Variants in PRKCB observed in about 807,000 individuals in gnomAD.
The protein encoded by PRKCB is protein kinase C beta type.
In PRKCB, 13 loss-of-function variants were observed where a neutral mutation model predicts 81.5. That is an observed-to-expected ratio of 0.16 (90% CI 0.10 to 0.25). The LOEUF is 0.25. Ranked by LOEUF, PRKCB falls within the 10% of genes least tolerant of loss-of-function variation. The probability of loss-of-function intolerance (pLI) is 1.00; values close to 1 mark genes in which losing one functional copy is unlikely to be tolerated. For synonymous variants in PRKCB, 335 were observed against 321.4 expected (o/e 1.04, Z -0.45); for missense variants, 509 against 875.7 (o/e 0.58, Z 5.29).
intron 16 of PRKCB, among the ~76,000 whole-genome samples, chr16:24,214,030 G>A (rs900036690): frequency 5.3e-5 from 8 of 152,206 alleles, no homozygotes; most frequent in Non-Finnish European, 1.5e-5. Flanking sequence ...TTCAGTGACT[G>A]ATCCAGCTAA....
intron 2 of PRKCB, among the ~76,000 whole-genome samples, chr16:23,888,094 T>G (rs1261837319): frequency 6.6e-6 from 1 of 152,180 alleles, no homozygotes; most frequent in African/African-American, 2.4e-5. Flanking sequence ...TCAAGTCCCC[T>G]TCTTTGTTTT....
intron 2 of PRKCB, among the ~76,000 whole-genome samples, chr16:23,889,120 A>G (rs1963249659): frequency 5.9e-5 from 1 of 17,092 alleles, no homozygotes; most frequent in Non-Finnish European, 1.0e-4. Flanking sequence ...TCACTCGTCC[A>G]TCCATCCATC....
At chr16:23,967,316 A>G (rs545718798) in intron 2 of PRKCB, among the ~76,000 whole-genome samples, 1 of 152,328 alleles carries the variant, frequency 6.6e-6, no homozygotes, top group East Asian at 1.9e-4. Context: ...GCCCCCTGAC[A>G]GCAGAAGACA....
chr16:23,879,071 A>T (rs1247474355), intron 2 of PRKCB, among the ~76,000 whole-genome samples: 1 of 152,046 alleles, frequency 6.6e-6, no homozygotes, highest in African/African-American at 2.4e-5. Flanking sequence ...CCAGCTACTC[A>T]GGAGGTTGAG....
rs56671761 is a variant in PRKCB, at chr16:24,168,541, C to CTTTTTTTTTTTTTT, written c.1240-3713_1240-3700dup. The stretch of plus-strand genomic sequence containing the variant: ...TTCATTATTTTTCTTTCTTCTTCTA[C>CTTTTTTTTTTTTTT]TTTTTTTTTTTTTTTTTTTTTTTTT... On this transcript the variant is annotated intron_variant, in intron 10 of 16. Transcript: ENST00000643927. 3.5e-4 allele frequency among the ~76,000 whole-genome samples: 27 copies of CTTTTTTTTTTTTTT among 76,394 alleles called. 2 individuals are homozygous for CTTTTTTTTTTTTTT. Among genetic ancestry groups the CTTTTTTTTTTTTTT allele is most frequent in the East Asian group, 7.1e-4 (2 of 2,830 alleles). The allele number at this position is 76,394 out of a possible 152,430, so 50.1% of individuals were successfully genotyped here.
At chr16:23,928,347 C>T (rs567186109) in intron 2 of PRKCB, among the ~76,000 whole-genome samples, 20 of 152,092 alleles carry the variant, frequency 1.3e-4, no homozygotes, top group Admixed American at 1.0e-3. Flanking sequence ...AGGCTGGTCT[C>T]GAACTCCTGA....
chr16:24,158,065 T>C (rs1400601684), intron 10 of PRKCB, among the ~76,000 whole-genome samples: 1 of 152,148 alleles, frequency 6.6e-6, no homozygotes, highest in East Asian at 1.9e-4. Flanking sequence ...ATGAAGTCTT[T>C]AACCTATCTC....
intron 2 of PRKCB, among the ~76,000 whole-genome samples, chr16:23,894,919 A>G (rs2141119491): frequency 6.6e-6 from 1 of 152,204 alleles, no homozygotes; most frequent in Admixed American, 6.5e-5. Context: ...TATTTTCATC[A>G]AAACATCTGG....
At chr16:23,889,116 GTCCATCCATCCATCCATCCATCCA>G (rs60798460) in intron 2 of PRKCB, among the ~76,000 whole-genome samples, 4,360 of 147,614 alleles carry the variant, frequency 0.03, 226 homozygotes, top group African/African-American at 0.098. Context: ...CTGTTCACTC[GTCCATCCATCCATCCATCCATCCA>G]TCCATCCATC....
At chr16:23,866,553 T>A (rs1459103558) in intron 2 of PRKCB, among the ~76,000 whole-genome samples, 1 of 152,230 alleles carries the variant, frequency 6.6e-6, no homozygotes, top group East Asian at 1.9e-4. Flanking sequence ...AAGTCTGAAC[T>A]TTCTCCCATG....
intron 2 of PRKCB, among the ~76,000 whole-genome samples, chr16:23,848,166 G>T (rs1229523553): frequency 6.6e-6 from 1 of 152,174 alleles, no homozygotes; most frequent in African/African-American, 2.4e-5. Context: ...TATCAGAGGG[G>T]TTGGCCCCTG....
At chr16:24,115,249 A>C (rs62027381) in intron 8 of PRKCB, among the ~76,000 whole-genome samples, 3 of 113,852 alleles carry the variant, frequency 2.6e-5, no homozygotes, top group South Asian at 2.8e-4. Context: ...TTATCCCAAG[A>C]GTATTTATCC....
intron 2 of PRKCB, among the ~76,000 whole-genome samples, chr16:23,925,464 C>T (rs572284022): frequency 1.3e-4 from 20 of 152,102 alleles, no homozygotes; most frequent in African/African-American, 4.1e-4. Flanking sequence ...TAAGGTTGGC[C>T]GTTTCCAAGG....
At chr16:23,866,434 A>T (rs1962791700) in intron 2 of PRKCB, among the ~76,000 whole-genome samples, 1 of 152,232 alleles carries the variant, frequency 6.6e-6, no homozygotes, top group Non-Finnish European at 1.5e-5. Flanking sequence ...CATAGATAAG[A>T]TTGAAGACCT....
At chr16:23,841,964 A>G (rs1385601644) in intron 2 of PRKCB, among the ~76,000 whole-genome samples, 1 of 151,850 alleles carries the variant, frequency 6.6e-6, no homozygotes, top group Non-Finnish European at 1.5e-5. Flanking sequence ...CCAAATACAT[A>G]TTTTTTAATT....
chr16:24,048,004 G>A (rs1965789725), intron 5 of PRKCB, among the ~76,000 whole-genome samples: 1 of 152,236 alleles, frequency 6.6e-6, no homozygotes, highest in Admixed American at 6.5e-5. Flanking sequence ...GACGCTTACT[G>A]AGCCCTTGCT....
At chr16:24,101,972 T>C (rs147380903) in intron 7 of PRKCB, among the ~76,000 whole-genome samples, 20 of 152,356 alleles carry the variant, frequency 1.3e-4, no homozygotes, top group Non-Finnish European at 2.4e-4. Context: ...GTGTTAGGGA[T>C]ACACAGCTTG....
At chr16:24,066,030 A>T in intron 5 of PRKCB, among the ~76,000 whole-genome samples, 2 of 142,948 alleles carry the variant, frequency 1.4e-5, no homozygotes, top group Non-Finnish European at 3.1e-5. Context: ...ATGATTTTAG[A>T]TTTTCTCTCT....
At chr16:24,172,844 T>G (rs1967465006) in intron 11 of PRKCB, among the ~76,000 whole-genome samples, 1 of 152,220 alleles carries the variant, frequency 6.6e-6, no homozygotes, top group South Asian at 2.1e-4. Context: ...ATTATCATTG[T>G]AGATTTTATG....
Sources: allele counts gnomAD v4.1 joint callset (sites outside exome capture counted in the v4.1 genomes callset), GRCh38; gene constraint gnomAD v4.1.1; transcripts MANE v1.5; gene names NCBI Gene and HGNC (gene_info 2026-07-23, HGNC 2026-07-21).